The following MAP3K20 variants were observed in gnomAD, a reference collection of about 807,000 sequenced individuals.
MAP3K20 encodes mitogen-activated protein kinase kinase kinase 20, also known as HCCS-4.
A neutral mutation model predicts 85.7 loss-of-function variants in MAP3K20; 40 were observed. The observed-to-expected ratio is 0.47, with a 90% CI of 0.36 to 0.61. The LOEUF is 0.61. Among genes scored for constraint, MAP3K20 ranks in the 20% least tolerant of loss-of-function variants. The pLI is 0.00. For synonymous variants in MAP3K20, 325 were observed against 327.7 expected, an observed-to-expected ratio of 0.99 and a Z score of 0.09; for missense variants, 817 against 961.7, an observed-to-expected ratio of 0.85 and a Z score of 1.99.
chr2:173,126,412 C>T (rs1388629709), intron 2 of MAP3K20, among the ~76,000 whole-genome samples: 1 of 152,146 alleles, frequency 6.6e-6, no homozygotes, highest in East Asian at 1.9e-4. Flanking sequence ...CAGAGTCTCA[C>T]TCTGTCACCC....
At chr2:173,265,297 G>A (rs566571942) in intron 19 of MAP3K20, among the ~76,000 whole-genome samples, 18 of 152,352 alleles carry the variant, frequency 1.2e-4, no homozygotes, top group Admixed American at 1.1e-3. Context: ...AGGCTCGGGG[G>A]AAAACAGAAA....
At chr2:173,125,589 G>C (rs1316381040) in intron 2 of MAP3K20, among the ~76,000 whole-genome samples, 1 of 152,006 alleles carries the variant, frequency 6.6e-6, no homozygotes, top group Non-Finnish European at 1.5e-5. Flanking sequence ...AGTACCCTGG[G>C]GATTGGAAGG....
At chr2:173,225,968 G>C (rs1333872094) in intron 11 of MAP3K20, 1 of 984,188 alleles carries the variant, frequency 1.0e-6, no homozygotes, top group Non-Finnish European at 1.2e-6. Flanking sequence ...TTAATTTAAA[G>C]CCTCCTTTTT....
intron 9 of MAP3K20, among the ~76,000 whole-genome samples, chr2:173,205,581 T>TCTTGG (rs113088604): frequency 2.0e-5 from 3 of 152,152 alleles, no homozygotes; most frequent in African/African-American, 4.8e-5. Flanking sequence ...ACGTGCTCCT[T>TCTTGG]CTTGGCTTGG....
At chr2:173,217,283 A>G (rs1684103391) in intron 11 of MAP3K20, 33 bp downstream of exon 11, 6 of 1,513,238 alleles carry the variant, frequency 4.0e-6, no homozygotes, top group Non-Finnish European at 5.3e-6. Flanking sequence ...GTCTTTCCAC[A>G]TGCGGCTCTA....
At chr2:173,184,563 A>G (rs1690428329) in intron 4 of MAP3K20, among the ~76,000 whole-genome samples, 1 of 152,192 alleles carries the variant, frequency 6.6e-6, no homozygotes, top group African/African-American at 2.4e-5. Context: ...TGTTTTCTCA[A>G]GAGTGCTAGT....
chr2:173,245,010 T>C (rs1306753895), intron 16 of MAP3K20, among the ~76,000 whole-genome samples: 12 of 152,152 alleles, frequency 7.9e-5, no homozygotes, highest in Non-Finnish European at 1.5e-5. Context: ...CACCTTTTCT[T>C]TTACAAGTAA....
intron 2 of MAP3K20, among the ~76,000 whole-genome samples, chr2:173,159,043 A>G (rs889720470): frequency 4.6e-5 from 7 of 152,232 alleles, no homozygotes; most frequent in African/African-American, 1.7e-4. Flanking sequence ...CAATCAAGTC[A>G]TTTTGTAGGA....
intron 2 of MAP3K20, among the ~76,000 whole-genome samples, chr2:173,113,988 T>C (rs1049080557): frequency 3.9e-5 from 6 of 152,164 alleles, no homozygotes; most frequent in Non-Finnish European, 7.4e-5. Context: ...CGGTGGAGTA[T>C]TGAAGTCCCC....
intron 9 of MAP3K20, 71 bp from the exon 10 acceptor site, chr2:173,209,658 T>C (rs1683813644): frequency 7.9e-7 from 1 of 1,260,016 alleles, no homozygotes; most frequent in Non-Finnish European, 1.1e-6. Flanking sequence ...ATGCTTGTAG[T>C]ATCTACGTTT....
At position 173,267,246 on chromosome 2, in the gene MAP3K20, T is replaced by C. The variant is rs548350779; in HGVS notation, c.*496T>C. On this transcript the variant is annotated 3_prime_UTR_variant, in exon 20 of 20. Coordinates refer to ENST00000375213, the MANE Select transcript of MAP3K20 (RefSeq NM_016653.3). ...ATTTTTGCATTTATTTTTTTAAATA[T>C]TGCATTAAAATATCATTTAGCTTGA... 2 of 152,384 alleles carry C rather than the reference T, an allele frequency of 1.3e-5. No homozygotes were observed. Among genetic ancestry groups the C allele is most frequent in the African/African-American group, 4.8e-5 (2 of 41,590 alleles). The allele number at this position is 152,384 out of a possible 1,614,324, so 9.4% of individuals were successfully genotyped here.
At chr2:173,094,711 G>A (rs1047150128) in intron 2 of MAP3K20, among the ~76,000 whole-genome samples, 3 of 152,106 alleles carry the variant, frequency 2.0e-5, no homozygotes, top group Admixed American at 2.0e-4. Flanking sequence ...ATGTAGTTTT[G>A]GCAGGAAAAC....
rs61431056 is a variant in MAP3K20 at position 173,085,784 on chromosome 2, ATTTTTTT to A, written c.-34-5191_-34-5185del. Among the ~76,000 whole-genome samples, 14 of 73,760 alleles carry A rather than the reference ATTTTTTT, an allele frequency of 1.9e-4. No individual in the cohort carries two copies. The South Asian group carries it at 2.3e-3, about 12-fold the overall frequency. 48.4% of individuals were successfully genotyped at this position (73,760 alleles called of 152,430 possible). ...AAATTGCCTTTTTTGTGTAAAAGCA[ATTTTTTT>A]TTTTTTTTTTTTTTTTTTTTTTGAG... is the stretch of plus-strand genomic sequence containing the variant. On this transcript the variant is annotated intron_variant, in intron 1 of 19. Coordinates refer to ENST00000375213, the MANE Select transcript of MAP3K20 (RefSeq NM_016653.3).
intron 14 of MAP3K20, among the ~76,000 whole-genome samples, chr2:173,237,017 ACC>A (rs1684667659): frequency 9.5e-6 from 1 of 105,260 alleles, no homozygotes; most frequent in Non-Finnish European, 1.9e-5. Flanking sequence ...CAGTATATCC[ACC>A]TTTTTTTTTT....
Position 173,155,676 on chromosome 2 carries a change from G to C in MAP3K20, c.160-14129G>C, listed in dbSNP as rs575089322. On this transcript the variant is annotated intron_variant, in intron 2 of 19. Coordinates refer to ENST00000375213, the MANE Select transcript of MAP3K20 (RefSeq NM_016653.3). ...GAGGGGCATAGAAAGGTAATTATTG[G>C]ATTTTTTTCCATACTTAGAGATTGG... 2.6e-5 allele frequency among the ~76,000 whole-genome samples: 4 copies of C among 152,308 alleles called. 1 individual carries two copies. In the South Asian group the frequency reaches 8.3e-4, roughly 32 times the overall value.
intron 1 of MAP3K20, among the ~76,000 whole-genome samples, chr2:173,084,813 G>A (rs1687103640): frequency 6.6e-6 from 1 of 152,078 alleles, no homozygotes; most frequent in African/African-American, 2.4e-5. Context: ...CCATATACTA[G>A]GCACTGTGCT....
chr2:173,214,839 C>G (rs1027038445), intron 10 of MAP3K20, among the ~76,000 whole-genome samples: 4 of 152,112 alleles, frequency 2.6e-5, no homozygotes, highest in African/African-American at 9.7e-5. Context: ...ATTTGATGCA[C>G]AACAATGCAC....
intron 10 of MAP3K20, among the ~76,000 whole-genome samples, chr2:173,213,685 G>A (rs6717067): frequency 0.2 from 30,483 of 152,026 alleles, 4,193 homozygotes; most frequent in East Asian, 0.57. Flanking sequence ...TGGTAGCACA[G>A]GCCTGCCCTT....
Position 173,203,798 on chromosome 2 carries a change from AT to A in MAP3K20, c.674del (p.Leu225Ter). 1 of 1,613,146 alleles carries A rather than the reference AT, an allele frequency of 6.2e-7. No homozygotes were observed. The highest frequency in any genetic ancestry group is 8.5e-7 in the Non-Finnish European group (1 of 1,179,308). On this transcript the variant is annotated frameshift_variant, in exon 9 of 20. Coordinates refer to ENST00000375213, the MANE Select transcript of MAP3K20 (RefSeq NM_016653.3). LOFTEE classifies it high-confidence loss of function. ...TTGTTTCCCTCTGTCTATTGTAGAGATTAACCATTCCAAGCAGTTGCCCCAG... is the reference window on the plus strand; with the variant it reads ...TTGTTTCCCTCTGTCTATTGTAGAGATAACCATTCCAAGCAGTTGCCCCAG... ...AWLVVEKNER[L>X]TIPSSCPRSF...
Sources: gnomAD v4.1 joint callset for allele counts (sites outside exome capture counted in the v4.1 genomes callset) on GRCh38, gnomAD v4.1.1 for gene constraint, MANE v1.5 for transcripts, NCBI Gene and HGNC (gene_info 2026-07-23, HGNC 2026-07-21) for gene names.